Variants in DSCAM observed in about 807,000 individuals in gnomAD.
The protein encoded by DSCAM is cell adhesion molecule DSCAM.
A neutral mutation model predicts 217.7 loss-of-function variants in DSCAM; 47 were observed. That is an observed-to-expected ratio of 0.22 (90% CI 0.17 to 0.28). The LOEUF (loss-of-function observed/expected upper bound fraction) is 0.28, where lower values mean the gene tolerates loss of function less well. DSCAM is among the 10% of genes least tolerant of loss of function. The pLI is 1.00. For missense variants in DSCAM, 2,080 were observed against 2,618.3 expected (o/e 0.79, Z 4.49); for synonymous variants, 1,056 against 1,015.3 (o/e 1.04, Z -0.76).
At chr21:40,084,962 C>A (rs1235385705) in intron 23 of DSCAM, among the ~76,000 whole-genome samples, 1 of 150,228 alleles carries the variant, frequency 6.7e-6, no homozygotes, top group Non-Finnish European at 1.5e-5. Flanking sequence ...CACCTAAATC[C>A]AAAGAAGCAC....
rs537397230 is a variant in DSCAM, at chr21:40,299,146, T to C, written c.2063-2972A>G. 9.7e-4 allele frequency among the ~76,000 whole-genome samples: 147 copies of C among 152,328 alleles called. 1 individual carries two copies. Among genetic ancestry groups the C allele is most frequent in the Non-Finnish European group, 1.9e-3 (126 of 68,024 alleles). ...AAGAAGCTTCTGCAGTAAGTGAGCT[T>C]CTTAATTTTTATAGCAAAGAGAATA... is the stretch of plus-strand genomic sequence containing the variant. On this transcript the variant is annotated intron_variant, in intron 9 of 32. Transcript: ENST00000400454.
rs73230315 is a variant in DSCAM, at chr21:40,173,606, G to A, written c.2947+5321C>T. 5.3e-5 allele frequency among the ~76,000 whole-genome samples: 8 copies of A among 152,200 alleles called. No individual in the cohort carries two copies. The East Asian group carries it at 9.7e-4, about 18-fold the overall frequency. On this transcript the variant is annotated intron_variant, in intron 15 of 32. Coordinates refer to ENST00000400454, the MANE Select transcript of DSCAM (RefSeq NM_001389.5). ...TCTTACTGAAGAACACATTGATGCC[G>A]CCCTCTGCACTAATGAGCACTGCTA...
intron 3 of DSCAM, among the ~76,000 whole-genome samples, chr21:40,489,771 T>G: frequency 1.2e-4 from 2 of 16,024 alleles, no homozygotes; most frequent in African/African-American, 4.2e-4. Context: ...CGAGACTCCG[T>G]CTCAAAAAAA....
intron 11 of DSCAM, among the ~76,000 whole-genome samples, chr21:40,225,529 A>T (rs1321799192): frequency 6.6e-6 from 1 of 152,128 alleles, no homozygotes; most frequent in African/African-American, 2.4e-5. Context: ...AGAAGCCATG[A>T]CATCTTCTCC....
In DSCAM at chr21:40,026,152, G is replaced by T. The variant is rs1241651685; in HGVS notation, c.5687-12766C>A. ...GTACCCAGTAGTCATTCAGGAGCAG[G>T]TTGTTCAGTTTCCATGTAGTTGAGC... On this transcript the variant is annotated intron_variant, in intron 32 of 32. Transcript: ENST00000400454. Among the ~76,000 whole-genome samples, 3 of 141,818 alleles carry T rather than the reference G, an allele frequency of 2.1e-5. 1 individual carries two copies. Among genetic ancestry groups the T allele is most frequent in the Admixed American group, 7.1e-5 (1 of 13,994 alleles). 93.0% of individuals were successfully genotyped at this position (141,818 alleles called of 152,430 possible).
chr21:40,561,193 G>A (rs775472552), intron 3 of DSCAM, among the ~76,000 whole-genome samples: 15 of 152,130 alleles, frequency 9.9e-5, no homozygotes, highest in Non-Finnish European at 1.9e-4. Context: ...CCTATCTAAT[G>A]ACCTAAACTA....
intron 1 of DSCAM, among the ~76,000 whole-genome samples, chr21:40,741,407 T>A (rs1260943594): frequency 3.9e-5 from 6 of 152,104 alleles, no homozygotes; most frequent in Non-Finnish European, 8.8e-5. Flanking sequence ...CTCTACCAAC[T>A]GTTTTCCACC....
chr21:40,562,185 A>G (rs556152580), intron 3 of DSCAM, among the ~76,000 whole-genome samples: 7 of 152,308 alleles, frequency 4.6e-5, no homozygotes, highest in Middle Eastern at 3.4e-3. Flanking sequence ...GTTGAGGGAT[A>G]GAGCTGGTGG....
At chr21:40,836,162 T>C (rs953252233) in intron 1 of DSCAM, among the ~76,000 whole-genome samples, 6 of 152,202 alleles carry the variant, frequency 3.9e-5, no homozygotes, top group Admixed American at 2.6e-4. Context: ...TCAGTAGAGT[T>C]ACCCAAATGG....
intron 1 of DSCAM, among the ~76,000 whole-genome samples, chr21:40,813,321 TGTG>T (rs2091854651): frequency 1.3e-5 from 2 of 152,202 alleles, no homozygotes; most frequent in Non-Finnish European, 2.9e-5. Flanking sequence ...TCTAAATAAC[TGTG>T]GTATATGAAG....
At chr21:40,447,686 C>T (rs2075685971) in intron 3 of DSCAM, among the ~76,000 whole-genome samples, 1 of 152,276 alleles carries the variant, frequency 6.6e-6, no homozygotes, top group Middle Eastern at 3.4e-3. Flanking sequence ...ACTCTGAATA[C>T]AATACATTTG....
At chr21:40,423,078 G>A (rs79490990) in intron 3 of DSCAM, among the ~76,000 whole-genome samples, 5,735 of 152,218 alleles carry the variant, frequency 0.038, 242 homozygotes, top group East Asian at 0.2. Flanking sequence ...CAACCCGAGT[G>A]TTCCATTTCT....
At chr21:40,713,887 T>C (rs2090810842) in intron 1 of DSCAM, among the ~76,000 whole-genome samples, 1 of 152,152 alleles carries the variant, frequency 6.6e-6, no homozygotes, top group Admixed American at 6.5e-5. Flanking sequence ...CTGGGCACTC[T>C]CCGTGGCTTG....
intron 3 of DSCAM, among the ~76,000 whole-genome samples, chr21:40,613,308 A>C (rs770279675): frequency 1.2e-4 from 18 of 152,300 alleles, no homozygotes; most frequent in Non-Finnish European, 2.1e-4. Flanking sequence ...CATTGGGTAC[A>C]TTTGTCTATG....
At chr21:40,198,687 G>GA (rs2091040231) in intron 11 of DSCAM, among the ~76,000 whole-genome samples, 1 of 152,232 alleles carries the variant, frequency 6.6e-6, no homozygotes, top group Non-Finnish European at 1.5e-5. Context: ...GCAGTTGCAG[G>GA]AAAGGGGAGC....
intron 29 of DSCAM, among the ~76,000 whole-genome samples, chr21:40,052,999 T>A (rs1054673487): frequency 6.6e-6 from 1 of 152,200 alleles, no homozygotes; most frequent in African/African-American, 2.4e-5. Flanking sequence ...TTTCATAAAT[T>A]TTCAAAGATT....
Position 40,012,941 on chromosome 21 carries a change from TTAATTA to T in DSCAM, c.*87_*92del, listed in dbSNP as rs2088085324. ...TTTTAATATATTTTGGCAATTTTCTTTAATTATAAATATTGGAATTCCGTAAAAAAA... is the reference window on the plus strand; with the variant it reads ...TTTTAATATATTTTGGCAATTTTCTTTAAATATTGGAATTCCGTAAAAAAA... On this transcript the variant is annotated 3_prime_UTR_variant, in exon 33 of 33. Transcript: ENST00000400454. 1 of 988,130 alleles carries T rather than the reference TTAATTA, an allele frequency of 1.0e-6. No homozygotes were observed. The highest frequency in any genetic ancestry group is 1.3e-6 in the Non-Finnish European group (1 of 744,694). 61.2% of individuals were successfully genotyped at this position (988,130 alleles called of 1,614,324 possible).
intron 1 of DSCAM, among the ~76,000 whole-genome samples, chr21:40,740,032 C>T (rs1033171793): frequency 1.4e-5 from 2 of 139,964 alleles, no homozygotes; most frequent in African/African-American, 5.4e-5. Flanking sequence ...GCTAACTCCT[C>T]ACCTGGGAAC....
At chr21:40,667,160 C>G (rs2090212386) in intron 3 of DSCAM, among the ~76,000 whole-genome samples, 1 of 152,170 alleles carries the variant, frequency 6.6e-6, no homozygotes, top group African/African-American at 2.4e-5. Context: ...AAAGCCACTT[C>G]CTGTGTGGGT....
Sources: gnomAD v4.1 joint callset for allele counts (sites outside exome capture counted in the v4.1 genomes callset) on GRCh38, gnomAD v4.1.1 for gene constraint, MANE v1.5 for transcripts, NCBI Gene and HGNC (gene_info 2026-07-23, HGNC 2026-07-21) for gene names.